Variants in RLN2 observed in about 807,000 individuals in gnomAD.
The protein encoded by RLN2 is relaxin 2.
Under a neutral mutation model 7.3 loss-of-function variants are expected in RLN2, and 10 were observed. That is an observed-to-expected ratio of 1.36 (90% confidence interval 0.84 to 2.31). The LOEUF is 2.31. Ranked by LOEUF, RLN2 falls within the 30% of genes most tolerant of loss-of-function variation. The pLI is 0.00. For synonymous variants in RLN2, 103 were observed against 82.3 expected (o/e 1.25, Z -1.36); for missense variants, 298 against 217.6 (o/e 1.37, Z -2.32).
At chr9:5,333,263 T>A in the RLN2 span, among the ~76,000 whole-genome samples, 5 of 152,040 alleles carry the variant, frequency 3.3e-5, no homozygotes, top group African/African-American at 9.7e-5. Context: ...GTTCATAGGT[T>A]CCGCCTCATC....
chr9:5,302,703 C>G (rs866989925), intron 1 of RLN2, among the ~76,000 whole-genome samples: 1 of 152,122 alleles, frequency 6.6e-6, no homozygotes, highest in Non-Finnish European at 1.5e-5. Context: ...TTTTCAGCAA[C>G]AATTTAGAAA....
intron 1 of RLN2, among the ~76,000 whole-genome samples, chr9:5,302,466 A>T (rs1029260159): frequency 3.3e-5 from 5 of 152,332 alleles, no homozygotes; most frequent in East Asian, 1.9e-4. Flanking sequence ...TGAAAACTCA[A>T]ATTAATCACA....
At chr9:5,312,132 C>T in the RLN2 span, among the ~76,000 whole-genome samples, 11 of 151,920 alleles carry the variant, frequency 7.2e-5, no homozygotes, top group Non-Finnish European at 1.5e-4. Context: ...CCTTTCCCTT[C>T]TAGTTTTGAG....
the RLN2 span, among the ~76,000 whole-genome samples, chr9:5,336,473 G>A: frequency 6.6e-6 from 1 of 151,982 alleles, no homozygotes; most frequent in African/African-American, 2.4e-5. Flanking sequence ...ACACCCAGCT[G>A]ACATCTTACT....
At chr9:5,301,023 C>A (rs561938900) in intron 1 of RLN2, among the ~76,000 whole-genome samples, 1 of 152,310 alleles carries the variant, frequency 6.6e-6, no homozygotes, top group African/African-American at 2.4e-5. Context: ...ATCTATTTAA[C>A]AATTTGTCTT....
chr9:5,316,321 T>C, the RLN2 span, among the ~76,000 whole-genome samples: 1 of 151,990 alleles, frequency 6.6e-6, no homozygotes, highest in Non-Finnish European at 1.5e-5. Flanking sequence ...CTTTTTTTTA[T>C]TACACTTTAA....
At chr9:5,315,357 G>A in the RLN2 span, among the ~76,000 whole-genome samples, 2 of 150,314 alleles carry the variant, frequency 1.3e-5, no homozygotes, top group South Asian at 2.1e-4. Flanking sequence ...CAAGCACAAG[G>A]AAGAAACTCT....
chr9:5,337,278 A>G, the RLN2 span, among the ~76,000 whole-genome samples: 1 of 152,082 alleles, frequency 6.6e-6, no homozygotes, highest in Non-Finnish European at 1.5e-5. Flanking sequence ...AGTTAAATGA[A>G]TCAGCCAAAA....
rs1402926891 is a variant in RLN2, at chr9:5,304,444, A to G, written c.137T>C (p.Ile46Thr). The change falls in exon 1 of 2, where the codon ATT becomes ACT. Residue 46 changes from isoleucine to threonine, a missense_variant. By Grantham distance (89) the Ile-to-Thr change is moderately conservative. Transcript: ENST00000381627. ...TTTGCTCCAGGTGCTCATGCCGCAA[A>G]TGGCAATCTGCGCGCGAACTAATTC... ...GRELVRAQIA[I>T]CGMSTWSKRS... 2.5e-6 allele frequency: 4 copies of G among 1,612,662 alleles called. No individual in the cohort carries two copies. Among genetic ancestry groups the G allele is most frequent in the Admixed American group, 1.7e-5 (1 of 59,890 alleles).
the RLN2 span, chr9:5,335,293 G>A: frequency 1.2e-6 from 2 of 1,601,830 alleles, no homozygotes; most frequent in South Asian, 2.3e-5. Flanking sequence ...AACCAATTAG[G>A]CAACATTTCT....
the RLN2 span, among the ~76,000 whole-genome samples, chr9:5,334,733 T>C: frequency 6.6e-6 from 1 of 151,822 alleles, no homozygotes; most frequent in Non-Finnish European, 1.5e-5. Flanking sequence ...AAAAAAGAAA[T>C]TAAAAAGGAA....
chr9:5,306,845 G>A (rs1362434626), upstream of RLN2, among the ~76,000 whole-genome samples: 3 of 152,024 alleles, frequency 2.0e-5, no homozygotes, highest in Admixed American at 6.6e-5. Flanking sequence ...AACATTCGAG[G>A]CTGTAAGTGC....
the RLN2 span, chr9:5,335,529 A>C: frequency 2.5e-6 from 4 of 1,613,258 alleles, no homozygotes. Context: ...TCCGGTGGCA[A>C]ATTAGCAATG....
intron 1 of RLN2, among the ~76,000 whole-genome samples, chr9:5,301,529 A>G (rs1216540498): frequency 6.6e-6 from 1 of 152,224 alleles, no homozygotes; most frequent in African/African-American, 2.4e-5. Context: ...AAACACGATG[A>G]TGTTTAAATT....
In RLN2 at chr9:5,300,312, T is replaced by C. The variant is rs376109974; in HGVS notation, c.344A>G (p.His115Arg). Reference sequence around the variant, plus strand: ...ACTGGAATCTTTTAATACAGGTACATGTTGTTGTAGCTGTGGTAATGCTGG... The same window carrying C: ...ACTGGAATCTTTTAATACAGGTACACGTTGTTGTAGCTGTGGTAATGCTGG... ...MQPALPQLQQ[H>R]VPVLKDSSLL... The change falls in exon 2 of 2, where the codon CAT becomes CGT. Residue 115 changes from histidine (H) to arginine (R), a missense_variant. Physicochemically the swap from His to Arg is conservative, Grantham distance 29. Transcript: ENST00000381627. The C allele has an allele frequency of 6.2e-6, 10 of 1,613,334 alleles. No homozygotes were observed. In the African/African-American group the frequency reaches 9.3e-5, roughly 15 times the overall value.
At chr9:5,302,648 AT>A (rs1201345005) in intron 1 of RLN2, among the ~76,000 whole-genome samples, 1 of 152,238 alleles carries the variant, frequency 6.6e-6, no homozygotes, top group Non-Finnish European at 1.5e-5. Context: ...TTCAAAGGAA[AT>A]AAAAATGTAG....
the RLN2 span, among the ~76,000 whole-genome samples, chr9:5,318,468 A>C: frequency 6.6e-6 from 1 of 151,688 alleles, no homozygotes; most frequent in Non-Finnish European, 1.5e-5. Flanking sequence ...ATGCTGTAAA[A>C]CCCCAATATG....
At chr9:5,311,494 T>C in the RLN2 span, 2 of 689,268 alleles carry the variant, frequency 2.9e-6, no homozygotes, top group African/African-American at 1.8e-5. Context: ...AAAGTCACGA[T>C]GAAGGATGAA....
the RLN2 span, among the ~76,000 whole-genome samples, chr9:5,312,099 G>T: frequency 1.3e-5 from 2 of 151,970 alleles, no homozygotes; most frequent in Non-Finnish European, 2.9e-5. Context: ...TGTCTCTGAA[G>T]CTGGATTGAT....
Sources: allele counts gnomAD v4.1 joint callset (sites outside exome capture counted in the v4.1 genomes callset), GRCh38; gene constraint gnomAD v4.1.1; transcripts MANE v1.5; gene names NCBI Gene and HGNC (gene_info 2026-07-23, HGNC 2026-07-21).